Variants in ZNF423 observed in about 807,000 individuals in gnomAD.
ZNF423 encodes the protein Ebf-associated zinc finger protein.
In ZNF423, 12 loss-of-function variants were observed where a neutral mutation model predicts 95.8. The ratio of observed to expected loss-of-function variants is 0.13; its 90% CI spans 0.08 to 0.20. The LOEUF is 0.20. ZNF423 is among the 10% of genes least tolerant of loss of function. ZNF423 has a pLI of 1.00. For synonymous variants in ZNF423, 749 were observed against 711.9 expected (o/e 1.05, Z -0.83); for missense variants, 1,316 against 1,737.1 (o/e 0.76, Z 4.31).
Position 49,666,462 on chromosome 16 carries a change from C to G in ZNF423, c.302-27588G>C, listed in dbSNP as rs73569260. On this transcript the variant is annotated intron_variant, in intron 3 of 7. Coordinates refer to ENST00000563137, the MANE Select transcript of ZNF423 (RefSeq NM_001379286.1). ...TCACGTATTAAACCAGCTACATACA[C>G]GTAGTTATAAGTGAACAGTTACATA... Among the ~76,000 whole-genome samples, 609 of 152,318 alleles carry G rather than the reference C, an allele frequency of 4.0e-3. 5 individuals are homozygous for G. The highest frequency in any genetic ancestry group is 0.014 in the African/African-American group (581 of 41,566).
chr16:49,810,228 A>G (rs1045704411), intron 1 of ZNF423, among the ~76,000 whole-genome samples: 1 of 151,696 alleles, frequency 6.6e-6, no homozygotes, highest in Non-Finnish European at 1.5e-5. Flanking sequence ...CAAAGAGGAC[A>G]GCCAGAGAGG....
intron 4 of ZNF423, 75 bp from the exon 5 acceptor site, chr16:49,626,329 G>A (rs980301673): frequency 2.1e-6 from 3 of 1,438,842 alleles, no homozygotes; most frequent in Middle Eastern, 1.8e-4. Context: ...GTTCCTAGGG[G>A]GCCTGGGTCA....
Position 49,635,784 on chromosome 16 carries a change from G to C in ZNF423, c.3392C>G (p.Pro1131Arg). Residue 1131 changes from proline to arginine, a missense_variant, in exon 4 of 8, where the codon CCC (proline) becomes CGC (arginine). Around this residue, in one of 6 missense-constraint regions of ZNF423, gnomAD observed 620 missense variants for 775.6 expected, o/e 0.80. Transcript: ENST00000563137. This position sits in a 1 kb window ranked among gnomAD's most constrained non-coding sequence, Gnocchi z 4.8. ...ADRPCAGLRCPECSVKFESAE... is the reference protein window; with the variant it reads ...ADRPCAGLRCRECSVKFESAE... Reference sequence around the variant, plus strand: ...ACTCTCAAACTTGACACTGCACTCGGGGCAACGGAGGCCGGCACAGGGCCG... The same window carrying C: ...ACTCTCAAACTTGACACTGCACTCGCGGCAACGGAGGCCGGCACAGGGCCG... 2 of 1,612,596 alleles carry C rather than the reference G, an allele frequency of 1.2e-6. No homozygotes were observed. The highest frequency in any genetic ancestry group is 1.7e-6 in the Non-Finnish European group (2 of 1,179,786).
At chr16:49,626,326 G>A in intron 4 of ZNF423, 72 bp from the exon 5 acceptor site, 4 of 1,455,114 alleles carry the variant, frequency 2.7e-6, no homozygotes, top group Non-Finnish European at 3.8e-6. Flanking sequence ...AAAGTTCCTA[G>A]GGGGCCTGGG....
At chr16:49,759,185 G>A (rs1022240718) in intron 2 of ZNF423, among the ~76,000 whole-genome samples, 1 of 152,160 alleles carries the variant, frequency 6.6e-6, no homozygotes, top group African/African-American at 2.4e-5. Flanking sequence ...AGATCACGAG[G>A]CCAGGAGTTC....
intron 3 of ZNF423, among the ~76,000 whole-genome samples, chr16:49,719,971 C>T (rs1356728024): frequency 6.6e-6 from 1 of 152,182 alleles, no homozygotes; most frequent in Non-Finnish European, 1.5e-5. Flanking sequence ...CTCCGACTAA[C>T]TTGGTGGCTG....
At chr16:49,784,210 C>T (rs1395150932) in intron 2 of ZNF423, among the ~76,000 whole-genome samples, 3 of 151,980 alleles carry the variant, frequency 2.0e-5, no homozygotes, top group Non-Finnish European at 2.9e-5. Flanking sequence ...TACAAACACA[C>T]CCAAAAGAAA....
intron 5 of ZNF423, among the ~76,000 whole-genome samples, chr16:49,580,367 T>C (rs1365686575): frequency 4.6e-5 from 7 of 152,226 alleles, no homozygotes; most frequent in Non-Finnish European, 1.0e-4. Context: ...TAGTTTGTAA[T>C]TATGTATTTA....
At chr16:49,679,288 G>T (rs2031251623) in intron 3 of ZNF423, among the ~76,000 whole-genome samples, 1 of 152,202 alleles carries the variant, frequency 6.6e-6, no homozygotes. Flanking sequence ...GAGCTGGCGG[G>T]AGCCGGAAAC....
chr16:49,748,630 T>C (rs1245069291), intron 2 of ZNF423, among the ~76,000 whole-genome samples: 1 of 152,306 alleles, frequency 6.6e-6, no homozygotes, highest in East Asian at 1.9e-4. Context: ...CATCACCTGA[T>C]CACTTACTAC....
intron 7 of ZNF423, among the ~76,000 whole-genome samples, chr16:49,513,805 A>G (rs1380918026): frequency 6.6e-6 from 1 of 152,136 alleles, no homozygotes; most frequent in Non-Finnish European, 1.5e-5. Flanking sequence ...GGCTGGAGAA[A>G]CCAAAGGAAG....
At chr16:49,687,092 C>T (rs1230807949) in intron 3 of ZNF423, among the ~76,000 whole-genome samples, 4 of 152,020 alleles carry the variant, frequency 2.6e-5, no homozygotes, top group Non-Finnish European at 4.4e-5. Flanking sequence ...CCTATTTCAT[C>T]TTGGGTACCT....
At chr16:49,624,971 G>A (rs1972209700) in intron 5 of ZNF423, among the ~76,000 whole-genome samples, 1 of 152,218 alleles carries the variant, frequency 6.6e-6, no homozygotes, top group Non-Finnish European at 1.5e-5. Flanking sequence ...TCTCACTTAT[G>A]AGAAGTTTTC....
intron 5 of ZNF423, among the ~76,000 whole-genome samples, chr16:49,614,708 G>T (rs1348193619): frequency 6.6e-6 from 1 of 152,124 alleles, no homozygotes; most frequent in Non-Finnish European, 1.5e-5. Flanking sequence ...GGAGAAACTG[G>T]GTAAAGTGTA....
intron 1 of ZNF423, among the ~76,000 whole-genome samples, chr16:49,842,366 C>CAGGAAGGAAGGAAGGAAGGAAGGA (rs779305459): frequency 8.6e-4 from 56 of 65,142 alleles, no homozygotes; most frequent in Non-Finnish European, 1.1e-3. Context: ...GGGAGAGAGA[C>CAGGAAGGAAGGAAGGAAGGAAGGA]AGGAAGGAAG....
chr16:49,700,293 C>A (rs578032855), intron 3 of ZNF423, among the ~76,000 whole-genome samples: 1 of 151,728 alleles, frequency 6.6e-6, no homozygotes. Flanking sequence ...GGAAATTGGT[C>A]GGAACAAAGG....
chr16:49,703,408 C>A (rs866057343), intron 3 of ZNF423, among the ~76,000 whole-genome samples: 26 of 152,346 alleles, frequency 1.7e-4, no homozygotes, highest in African/African-American at 6.0e-4. Context: ...TTTCCCAGGG[C>A]AGGGTGCCCA....
chr16:49,626,336 GTC>G, intron 4 of ZNF423, 82 bp from the exon 5 acceptor site: 1 of 1,334,316 alleles, frequency 7.5e-7, no homozygotes, highest in Non-Finnish European at 1.1e-6. Flanking sequence ...GGGGGCCTGG[GTC>G]AAGACTTTCC....
At chr16:49,798,163 T>A (rs1002138564) in intron 1 of ZNF423, among the ~76,000 whole-genome samples, 1 of 152,140 alleles carries the variant, frequency 6.6e-6, no homozygotes, top group African/African-American at 2.4e-5. Context: ...TGAGCTATGA[T>A]CACATCACTG....
Sources: gnomAD v4.1 joint callset for allele counts (sites outside exome capture counted in the v4.1 genomes callset) on GRCh38, gnomAD v4.1.1 for gene constraint, gnomAD v4.1.1 regional missense constraint, Gnocchi (gnomAD v3.1) non-coding constraint, MANE v1.5 for transcripts, NCBI Gene and HGNC (gene_info 2026-07-23, HGNC 2026-07-21) for gene names.